Variants in RAB38 observed in about 807,000 individuals in gnomAD.
RAB38 encodes the protein RAB38, member RAS oncogene family.
A neutral mutation model predicts 18.4 loss-of-function variants in RAB38; 15 were observed. The observed-to-expected ratio is 0.82, with a 90% CI of 0.55 to 1.26. RAB38 has a LOEUF of 1.26. RAB38 is among the 50% of genes most tolerant of loss of function. RAB38 has a pLI of 0.00. For missense variants in RAB38, 294 were observed against 267.4 expected, an observed-to-expected ratio of 1.10 and a Z score of -0.69; for synonymous variants, 101 against 104.4, an observed-to-expected ratio of 0.97 and a Z score of 0.20.
At chr11:88,088,791 G>T in the RAB38 span, among the ~76,000 whole-genome samples, 1 of 151,778 alleles carries the variant, frequency 6.6e-6, no homozygotes, top group Non-Finnish European at 1.5e-5. Flanking sequence ...GAGTCAAAAT[G>T]TAAAAGCCAA....
chr11:88,052,939 TA>T, the RAB38 span, among the ~76,000 whole-genome samples: 1 of 121,400 alleles, frequency 8.2e-6, no homozygotes, highest in Admixed American at 9.7e-5. Flanking sequence ...TATATATATA[TA>T]TATAAATTAT....
intron 2 of RAB38, among the ~76,000 whole-genome samples, chr11:88,123,655 T>G (rs766640873): frequency 3.9e-5 from 6 of 152,170 alleles, no homozygotes; most frequent in Non-Finnish European, 8.8e-5. Context: ...ATATTCTTTA[T>G]ATTCTGTTGC....
chr11:88,039,681 T>A, the RAB38 span, among the ~76,000 whole-genome samples: 1 of 152,164 alleles, frequency 6.6e-6, no homozygotes. Flanking sequence ...ACTGGCGAGG[T>A]AGGCTCAACA....
intron 1 of RAB38, chr11:88,174,162 A>G (rs1434028574): frequency 2.3e-6 from 2 of 881,496 alleles, no homozygotes; most frequent in African/African-American, 3.6e-5. Context: ...TCCACTTAAC[A>G]GCGATGCAAC....
chr11:87,941,505 T>G, the RAB38 span, among the ~76,000 whole-genome samples: 1 of 151,784 alleles, frequency 6.6e-6, no homozygotes, highest in South Asian at 2.1e-4. Context: ...TTTACTAAAA[T>G]TACCCCTCTA....
At chr11:88,133,321 A>G (rs187615081) in intron 2 of RAB38, among the ~76,000 whole-genome samples, 1 of 152,360 alleles carries the variant, frequency 6.6e-6, no homozygotes, top group African/African-American at 2.4e-5. Flanking sequence ...CCAAAATTTG[A>G]AAGTTTTAAA....
At chr11:88,128,529 G>T (rs1942731830) in intron 2 of RAB38, among the ~76,000 whole-genome samples, 1 of 152,176 alleles carries the variant, frequency 6.6e-6, no homozygotes, top group Admixed American at 6.5e-5. Context: ...TAACAGAATT[G>T]CTGAAAGACT....
chr11:88,131,135 TA>T (rs1469731889), intron 2 of RAB38, among the ~76,000 whole-genome samples: 1 of 152,152 alleles, frequency 6.6e-6, no homozygotes, highest in Non-Finnish European at 1.5e-5. Context: ...GGGTTAATGA[TA>T]GGGGATATTA....
chr11:88,070,860 C>A, the RAB38 span, among the ~76,000 whole-genome samples: 1 of 152,104 alleles, frequency 6.6e-6, no homozygotes, highest in African/African-American at 2.4e-5. Flanking sequence ...GAGCGATAAG[C>A]TCCTTCAAGG....
chr11:87,961,072 G>A, the RAB38 span, among the ~76,000 whole-genome samples: 1 of 152,066 alleles, frequency 6.6e-6, no homozygotes, highest in Non-Finnish European at 1.5e-5. Flanking sequence ...TTTTCATGCT[G>A]TGCCTATTAG....
chr11:88,016,411 T>A, the RAB38 span, among the ~76,000 whole-genome samples: 4 of 152,230 alleles, frequency 2.6e-5, no homozygotes, highest in South Asian at 8.3e-4. Flanking sequence ...GCCTGTGGAA[T>A]CTAATGAAAA....
At chr11:87,841,753 T>C in the RAB38 span, among the ~76,000 whole-genome samples, 3,320 of 152,244 alleles carry the variant, frequency 0.022, 114 homozygotes, top group African/African-American at 0.076. Context: ...CACATCTAGA[T>C]ACTTTGGAGG....
At chr11:87,860,136 G>A in the RAB38 span, among the ~76,000 whole-genome samples, 1 of 151,838 alleles carries the variant, frequency 6.6e-6, no homozygotes, top group Non-Finnish European at 1.5e-5. Flanking sequence ...ATGCTTGATG[G>A]GCCAGTGTCT....
At chr11:88,064,259 T>C in the RAB38 span, among the ~76,000 whole-genome samples, 1 of 152,080 alleles carries the variant, frequency 6.6e-6, no homozygotes, top group East Asian at 1.9e-4. Context: ...GAGTAGAGAG[T>C]AGCTAAATGT....
the RAB38 span, among the ~76,000 whole-genome samples, chr11:88,021,735 C>T: frequency 6.7e-6 from 1 of 150,170 alleles, no homozygotes; most frequent in Non-Finnish European, 1.5e-5. Context: ...GACTACAGAC[C>T]TACGCTCAAC....
the RAB38 span, among the ~76,000 whole-genome samples, chr11:87,963,289 C>T: frequency 6.6e-6 from 1 of 152,120 alleles, no homozygotes; most frequent in East Asian, 1.9e-4. Flanking sequence ...TTTGATCCCC[C>T]AGAGTGGCCT....
chr11:88,091,484 T>C, the RAB38 span, among the ~76,000 whole-genome samples: 2 of 152,060 alleles, frequency 1.3e-5, no homozygotes, highest in African/African-American at 4.8e-5. Context: ...CTCTCACCAA[T>C]TGCCACCTCT....
the RAB38 span, among the ~76,000 whole-genome samples, chr11:88,081,715 A>G: frequency 2.0e-5 from 3 of 151,898 alleles, no homozygotes; most frequent in Non-Finnish European, 4.4e-5. Context: ...GTCTTGTTTC[A>G]AGAGTCTTAC....
chr11:87,893,391 T>TA, the RAB38 span, among the ~76,000 whole-genome samples: 36 of 6,676 alleles, frequency 5.4e-3, 1 homozygote, highest in South Asian at 0.033. Context: ...TATATATATA[T>TA]TTTTTTTTTA....
Sources: allele counts gnomAD v4.1 joint callset (sites outside exome capture counted in the v4.1 genomes callset), GRCh38; gene constraint gnomAD v4.1.1; transcripts MANE v1.5; gene names NCBI Gene and HGNC (gene_info 2026-07-23, HGNC 2026-07-21).